Variants in CEP170 observed in about 807,000 individuals in gnomAD.
CEP170 encodes centrosomal protein 170.
In CEP170, 21 loss-of-function variants were observed where a neutral mutation model predicts 151.9. The observed-to-expected ratio is 0.14, with a 90% CI of 0.10 to 0.20. CEP170 has a LOEUF of 0.20. CEP170 is among the 10% of genes least tolerant of loss of function. The pLI, the probability that CEP170 is intolerant of heterozygous loss-of-function variation, is 1.00. For missense variants in CEP170, 964 were observed against 1,892.9 expected, an observed-to-expected ratio of 0.51 and a Z score of 9.11; for synonymous variants, 356 against 648.8, an observed-to-expected ratio of 0.55 and a Z score of 6.86.
chr1:243,200,440 G>A, intron 6 of CEP170, 78 bp downstream of exon 6: 10 of 1,592,812 alleles, frequency 6.3e-6, no homozygotes, highest in Non-Finnish European at 8.6e-6. Context: ...TATGGACATA[G>A]CCAACTTTCT....
chr1:243,246,502 G>A (rs2065414204), intron 1 of CEP170, among the ~76,000 whole-genome samples: 1 of 152,068 alleles, frequency 6.6e-6, no homozygotes. Flanking sequence ...AAAGTGCTGG[G>A]ATTACAGGCA....
At chr1:243,250,490 T>G (rs1211365411) in intron 1 of CEP170, among the ~76,000 whole-genome samples, 1 of 152,240 alleles carries the variant, frequency 6.6e-6, no homozygotes, top group Non-Finnish European at 1.5e-5. Context: ...TGGTTTATGT[T>G]GACTACATCA....
intron 3 of CEP170, 145 bp from the exon 4 acceptor site, chr1:243,212,109 A>G (rs986242423): frequency 2.7e-5 from 26 of 955,350 alleles, no homozygotes; most frequent in East Asian, 1.2e-4. Flanking sequence ...TGTGCCATGC[A>G]GCCTGTAGGC....
chr1:243,127,298 C>A (rs979831881), intron 19 of CEP170, among the ~76,000 whole-genome samples: 1 of 152,142 alleles, frequency 6.6e-6, no homozygotes, highest in African/African-American at 2.4e-5. Context: ...TATCACAGGG[C>A]AGCTTGCAAA....
intron 1 of CEP170, among the ~76,000 whole-genome samples, chr1:243,254,786 C>T (rs1282487509): frequency 3.0e-4 from 2 of 6,630 alleles, no homozygotes; most frequent in African/African-American, 6.3e-4. Flanking sequence ...ACTGGAGCTC[C>T]GGGGGGCGGC....
intron 1 of CEP170, among the ~76,000 whole-genome samples, chr1:243,243,075 T>C (rs1269217215): frequency 6.6e-6 from 1 of 152,146 alleles, no homozygotes; most frequent in African/African-American, 2.4e-5. Flanking sequence ...CTTAGAATCA[T>C]AGAGAAAAGG....
chr1:243,228,802 A>G (rs1272815190), intron 1 of CEP170, among the ~76,000 whole-genome samples: 1 of 152,228 alleles, frequency 6.6e-6, no homozygotes, highest in Non-Finnish European at 1.5e-5. Flanking sequence ...ACATACAATA[A>G]TTATACAGTT....
intron 14 of CEP170, among the ~76,000 whole-genome samples, chr1:243,145,274 T>C (rs943806068): frequency 5.9e-5 from 9 of 152,310 alleles, no homozygotes; most frequent in Middle Eastern, 6.8e-3. Context: ...ATTTAAAAAT[T>C]TGCCTTATTA....
chr1:243,142,156 C>A lies in CEP170; in HGVS notation c.4059+160G>T, dbSNP rs557832572. Reference sequence around the variant, plus strand: ...ATGTTAGCCTTCACTAGTTTTGTTACAAAAACATAAAATAAACTGTTAAAG... The same window carrying A: ...ATGTTAGCCTTCACTAGTTTTGTTAAAAAAACATAAAATAAACTGTTAAAG... On this transcript the variant is annotated intron_variant, in intron 15 of 19. Coordinates refer to ENST00000366542, the MANE Select transcript of CEP170 (RefSeq NM_014812.3). The A allele has an allele frequency of 5.6e-3, 8,230 of 1,457,666 alleles. 36 individuals carry two copies. The highest frequency in any genetic ancestry group is 6.9e-3 in the Non-Finnish European group (7,572 of 1,100,654). The allele number at this position is 1,457,666 out of a possible 1,614,324, so 90.3% of individuals were successfully genotyped here.
chr1:243,194,418 A>T (rs1454419802), intron 7 of CEP170, among the ~76,000 whole-genome samples: 1 of 152,026 alleles, frequency 6.6e-6, no homozygotes, highest in African/African-American at 2.4e-5. Flanking sequence ...ATTTTGAGTC[A>T]TAAGAAAAAG....
intron 18 of CEP170, chr1:243,128,573 T>A: frequency 1.0e-5 from 2 of 191,064 alleles, no homozygotes; most frequent in East Asian, 1.3e-4. Flanking sequence ...TAAGCAAAGA[T>A]TTTTTTTTTT....
intron 12 of CEP170, among the ~76,000 whole-genome samples, chr1:243,167,845 A>T (rs1176214367): frequency 4.0e-5 from 6 of 151,676 alleles, no homozygotes; most frequent in Non-Finnish European, 8.9e-5. Flanking sequence ...TGGCTACTTT[A>T]CCCTTTTGTA....
At chr1:243,245,765 A>C (rs998179442) in intron 1 of CEP170, among the ~76,000 whole-genome samples, 1 of 151,882 alleles carries the variant, frequency 6.6e-6, no homozygotes, top group African/African-American at 2.4e-5. Context: ...CAAAACAAAA[A>C]AAACACAAAA....
chr1:243,221,844 A>G, intron 2 of CEP170, 31 bp from the exon 3 acceptor site: 2 of 1,569,104 alleles, frequency 1.3e-6, no homozygotes, highest in Non-Finnish European at 1.7e-6. Context: ...TAATAAATAT[A>G]AGAAAATACT....
intron 10 of CEP170, among the ~76,000 whole-genome samples, chr1:243,173,186 G>C (rs1339988496): frequency 1.3e-5 from 2 of 151,432 alleles, no homozygotes; most frequent in African/African-American, 4.9e-5. Flanking sequence ...TCAGCTTCCC[G>C]AGTGGCTGGG....
intron 10 of CEP170, among the ~76,000 whole-genome samples, chr1:243,173,394 T>C (rs2058998139): frequency 6.6e-6 from 1 of 151,192 alleles, no homozygotes; most frequent in Non-Finnish European, 1.5e-5. Context: ...ATTTAGCAAA[T>C]GTCCTGTTCG....
chr1:243,252,052 T>G (rs999272582), intron 1 of CEP170, among the ~76,000 whole-genome samples: 1 of 152,162 alleles, frequency 6.6e-6, no homozygotes, highest in African/African-American at 2.4e-5. Flanking sequence ...GGTATCTGAT[T>G]AGAAATTTTG....
chr1:243,195,724 C>T (rs1447246085), intron 7 of CEP170, among the ~76,000 whole-genome samples: 1 of 151,872 alleles, frequency 6.6e-6, no homozygotes, highest in Non-Finnish European at 1.5e-5. Flanking sequence ...TCAAAATGAC[C>T]ACATTAAAGA....
At chr1:243,144,562 T>C (rs1165353840) in intron 14 of CEP170, among the ~76,000 whole-genome samples, 1 of 152,174 alleles carries the variant, frequency 6.6e-6, no homozygotes, top group Non-Finnish European at 1.5e-5. Flanking sequence ...TGAGATAAAA[T>C]ACAGATAAGC....
Sources: allele counts gnomAD v4.1 joint callset (sites outside exome capture counted in the v4.1 genomes callset), GRCh38; gene constraint gnomAD v4.1.1; transcripts MANE v1.5; gene names NCBI Gene and HGNC (gene_info 2026-07-23, HGNC 2026-07-21).